Variants in SLC38A9 observed in about 807,000 individuals in gnomAD.
SLC38A9 encodes the protein solute carrier family 38 member 9, also known as neutral amino acid transporter 9.
In SLC38A9, 48 loss-of-function variants were observed where a neutral mutation model predicts 62.3. The observed-to-expected ratio is 0.77, with a 90% confidence interval of 0.61 to 0.98. SLC38A9 has a LOEUF of 0.98. Among genes scored for constraint, SLC38A9 ranks in the 50% least tolerant of loss-of-function variants. The pLI, the probability that SLC38A9 is intolerant of heterozygous loss-of-function variation, is 0.00. For synonymous variants in SLC38A9, 204 were observed against 227.7 expected (o/e 0.90, Z 0.94); for missense variants, 541 against 679.8 (o/e 0.80, Z 2.27).
intron 3 of SLC38A9, among the ~76,000 whole-genome samples, chr5:55,675,026 C>A (rs1457722863): frequency 6.6e-6 from 1 of 152,176 alleles, no homozygotes; most frequent in Non-Finnish European, 1.5e-5. Flanking sequence ...TTAATACCAA[C>A]ATAAGGCAAA....
chr5:55,709,592 A>G (rs1757733707), intron 2 of SLC38A9, among the ~76,000 whole-genome samples: 1 of 152,096 alleles, frequency 6.6e-6, no homozygotes, highest in Admixed American at 6.6e-5. Context: ...TAACCCCAAA[A>G]AGAAAAAAAA....
intron 8 of SLC38A9, among the ~76,000 whole-genome samples, chr5:55,658,357 T>C (rs1748843760): frequency 6.6e-6 from 1 of 152,200 alleles, no homozygotes. Context: ...TTTCACCATG[T>C]TGGCCAGGCT....
chr5:55,696,452 C>G (rs1490711579), intron 3 of SLC38A9: 1 of 6,744 alleles, frequency 1.5e-4, no homozygotes, highest in African/African-American at 3.9e-4. Context: ...GGGCTCCTCA[C>G]TTCCCAGTAG....
At chr5:55,700,157 A>G (rs570358888) in intron 2 of SLC38A9, among the ~76,000 whole-genome samples, 1 of 152,142 alleles carries the variant, frequency 6.6e-6, no homozygotes, top group African/African-American at 2.4e-5. Context: ...CCTGGCTAAC[A>G]TGGTGAAACC....
rs117576392 is a variant in SLC38A9, at chr5:55,694,206, T to A, written c.113+3640A>T. The A allele has an allele frequency of 6.8e-3, 692 of 101,406 alleles. 14 individuals carry two copies. The East Asian group carries it at 0.084, about 12-fold the overall frequency. The allele number at this position is 101,406 out of a possible 1,614,324, so 6.3% of individuals were successfully genotyped here. On this transcript the variant is annotated intron_variant, in intron 3 of 15. Coordinates refer to ENST00000396865, the MANE Select transcript of SLC38A9 (RefSeq NM_173514.4). ...GTGGGCTACAGAGTGAGACCCTGTC[T>A]CAAAAAAAAAAAAAAAAATCACTGT... is the stretch of plus-strand genomic sequence containing the variant.
intron 12 of SLC38A9, among the ~76,000 whole-genome samples, chr5:55,639,272 T>TTAAAAAAAAAAAAAAAAAAAAAAAA (rs1391586466): frequency 1.8e-5 from 1 of 54,650 alleles, no homozygotes; most frequent in African/African-American, 6.9e-5. Flanking sequence ...AAACTCTGTC[T>TTAAAAAAAAAAAAAAAAAAAAAAAA]AAAAAAAAAA....
intron 3 of SLC38A9, among the ~76,000 whole-genome samples, chr5:55,689,412 A>G (rs1754413897): frequency 6.6e-6 from 1 of 152,244 alleles, no homozygotes; most frequent in Non-Finnish European, 1.5e-5. Flanking sequence ...GAGCTATAAC[A>G]AGACACTGGC....
intron 2 of SLC38A9, among the ~76,000 whole-genome samples, chr5:55,711,112 G>A (rs1757974279): frequency 6.6e-6 from 1 of 151,448 alleles, no homozygotes; most frequent in South Asian, 2.1e-4. Context: ...GGCCAACATG[G>A]TGAAACCCCG....
intron 3 of SLC38A9, among the ~76,000 whole-genome samples, chr5:55,678,041 G>A (rs1181218480): frequency 1.3e-5 from 2 of 150,508 alleles, no homozygotes; most frequent in East Asian, 3.9e-4. Flanking sequence ...AAATGAAGGG[G>A]AAGGCAGAAA....
chr5:55,640,508 G>T (rs751674829), intron 12 of SLC38A9, among the ~76,000 whole-genome samples: 6 of 152,114 alleles, frequency 3.9e-5, no homozygotes, highest in Non-Finnish European at 7.3e-5. Flanking sequence ...CTCAGTCTTT[G>T]GGAGACCATG....
At chr5:55,652,781 A>C in intron 9 of SLC38A9, 58 bp from the exon 10 acceptor site, 1 of 1,416,192 alleles carries the variant, frequency 7.1e-7, no homozygotes, top group Non-Finnish European at 9.6e-7. Flanking sequence ...AAAACAAAAC[A>C]AAAAACAGAA....
chr5:55,659,027 T>C (rs1342555125), intron 8 of SLC38A9, among the ~76,000 whole-genome samples: 1 of 152,240 alleles, frequency 6.6e-6, no homozygotes, highest in Admixed American at 6.5e-5. Flanking sequence ...TGTCTCTTCA[T>C]ATCTTTTGAT....
intron 3 of SLC38A9, chr5:55,691,323 G>T: frequency 6.8e-7 from 1 of 1,468,154 alleles, no homozygotes; most frequent in Non-Finnish European, 9.0e-7. Context: ...AAGTACTGGT[G>T]AATAAGGGGC....
intron 3 of SLC38A9, among the ~76,000 whole-genome samples, chr5:55,685,700 G>A (rs537775802): frequency 6.6e-6 from 1 of 152,028 alleles, no homozygotes; most frequent in Non-Finnish European, 1.5e-5. Flanking sequence ...GTGTGATGGG[G>A]GTTTGTTGTA....
At chr5:55,686,202 A>C (rs1318284126) in intron 3 of SLC38A9, among the ~76,000 whole-genome samples, 1 of 152,182 alleles carries the variant, frequency 6.6e-6, no homozygotes, top group African/African-American at 2.4e-5. Context: ...GAATCACCAC[A>C]CTATCTTCCA....
chr5:55,692,126 CAAG>C (rs576990946), intron 3 of SLC38A9, among the ~76,000 whole-genome samples: 44 of 152,150 alleles, frequency 2.9e-4, no homozygotes, highest in African/African-American at 1.1e-3. Flanking sequence ...GTAAGTAGCA[CAAG>C]AATAAATGCT....
At chr5:55,696,268 C>A (rs1264056343) in intron 3 of SLC38A9, 1 of 62 alleles carries the variant, frequency 0.016, no homozygotes, top group African/African-American at 0.045. Flanking sequence ...CCCCTCACCT[C>A]CCGGACGGGC....
intron 3 of SLC38A9, among the ~76,000 whole-genome samples, chr5:55,674,013 TTAATC>T (rs1449448558): frequency 6.6e-6 from 1 of 152,182 alleles, no homozygotes; most frequent in African/African-American, 2.4e-5. Flanking sequence ...CACCCAGCCG[TTAATC>T]TAATCTTGTG....
intron 3 of SLC38A9, chr5:55,675,251 T>G (rs1199102104): frequency 6.6e-6 from 1 of 152,236 alleles, no homozygotes; most frequent in Non-Finnish European, 1.5e-5. Context: ...CTGTACCAGT[T>G]TAGTTGGCTT....
Sources: gnomAD v4.1 joint callset for allele counts (sites outside exome capture counted in the v4.1 genomes callset) on GRCh38, gnomAD v4.1.1 for gene constraint, MANE v1.5 for transcripts, NCBI Gene and HGNC (gene_info 2026-07-23, HGNC 2026-07-21) for gene names.